PCDH9: variants seen among roughly 807,000 people sequenced by gnomAD.
PCDH9 encodes protocadherin 9.
A neutral mutation model predicts 70.6 loss-of-function variants in PCDH9; 24 were observed. The observed-to-expected ratio is 0.34, with a 90% CI of 0.25 to 0.48. PCDH9 has a LOEUF of 0.48. PCDH9 is among the 20% of genes least tolerant of loss of function. The pLI is 0.99. For missense variants in PCDH9, 1,281 were observed against 1,503.6 expected (o/e 0.85, Z 2.45); for synonymous variants, 562 against 558.5 (o/e 1.01, Z -0.09).
intron 3 of PCDH9, among the ~76,000 whole-genome samples, chr13:66,766,631 A>C (rs1428488809): frequency 6.6e-6 from 1 of 151,840 alleles, no homozygotes; most frequent in South Asian, 2.1e-4. Context: ...AAAAATGTAG[A>C]GTTGGGAAGG....
At chr13:66,847,956 G>C (rs2081241577) in intron 3 of PCDH9, among the ~76,000 whole-genome samples, 1 of 152,120 alleles carries the variant, frequency 6.6e-6, no homozygotes, top group Admixed American at 6.5e-5. Context: ...TCCAGAAAGG[G>C]AAATCTTTTA....
chr13:66,610,946 C>T (rs148033032), intron 4 of PCDH9, among the ~76,000 whole-genome samples: 1,843 of 152,188 alleles, frequency 0.012, 18 homozygotes, highest in Non-Finnish European at 0.019. Context: ...TCTTATAAAA[C>T]ATAAAAGATA....
chr13:66,932,778 C>T (rs2082838089), intron 2 of PCDH9, among the ~76,000 whole-genome samples: 1 of 149,788 alleles, frequency 6.7e-6, no homozygotes, highest in African/African-American at 2.5e-5. Context: ...TTAACTTATA[C>T]ATTACAAATT....
At chr13:66,507,317 A>AT (rs1959236232) in intron 4 of PCDH9, among the ~76,000 whole-genome samples, 1 of 152,154 alleles carries the variant, frequency 6.6e-6, no homozygotes, top group African/African-American at 2.4e-5. Context: ...AGTGAAATAC[A>AT]TTTTTTCTTC....
At chr13:66,560,709 A>T (rs1001626259) in intron 4 of PCDH9, among the ~76,000 whole-genome samples, 3 of 151,184 alleles carry the variant, frequency 2.0e-5, no homozygotes, top group Admixed American at 2.0e-4. Context: ...GAAAAGGCAC[A>T]TTTCACTCAA....
chr13:66,847,244 T>C (rs1038356946), intron 3 of PCDH9, among the ~76,000 whole-genome samples: 3 of 152,192 alleles, frequency 2.0e-5, no homozygotes, highest in Admixed American at 2.0e-4. Flanking sequence ...CATAATAGGT[T>C]GTTTTCCTTT....
intron 2 of PCDH9, among the ~76,000 whole-genome samples, chr13:66,969,283 C>T (rs1039017647): frequency 1.3e-4 from 19 of 151,806 alleles, no homozygotes; most frequent in Non-Finnish European, 2.2e-4. Flanking sequence ...TTTTAGAATC[C>T]ATCATTTAAG....
At chr13:66,632,868 AT>A (rs2138940448) in intron 3 of PCDH9, among the ~76,000 whole-genome samples, 1 of 152,074 alleles carries the variant, frequency 6.6e-6, no homozygotes, top group African/African-American at 2.4e-5. Flanking sequence ...ATATTAAAAA[AT>A]ATATAATATA....
chr13:66,720,572 T>A (rs1218663157), intron 3 of PCDH9, among the ~76,000 whole-genome samples: 1 of 152,116 alleles, frequency 6.6e-6, no homozygotes, highest in African/African-American at 2.4e-5. Flanking sequence ...ATGGACACTT[T>A]TTTCTTCTAA....
chr13:67,179,588 TA>T (rs2088561864), intron 2 of PCDH9, among the ~76,000 whole-genome samples: 1 of 152,166 alleles, frequency 6.6e-6, no homozygotes, highest in Admixed American at 6.6e-5. Context: ...AACCACTTTT[TA>T]TTTAATTTAT....
intron 2 of PCDH9, among the ~76,000 whole-genome samples, chr13:67,003,837 G>A (rs1001504003): frequency 1.4e-4 from 22 of 152,136 alleles, no homozygotes; most frequent in African/African-American, 5.3e-4. Context: ...GATAGCACAG[G>A]AAGAAAAAGC....
At chr13:66,322,809 C>T (rs144012123) in intron 4 of PCDH9, among the ~76,000 whole-genome samples, 3 of 152,028 alleles carry the variant, frequency 2.0e-5, no homozygotes, top group African/African-American at 7.2e-5. Flanking sequence ...GTATATCACT[C>T]TCAGCTTTGC....
At chr13:67,117,981 G>A (rs529248611) in intron 2 of PCDH9, among the ~76,000 whole-genome samples, 23 of 152,190 alleles carry the variant, frequency 1.5e-4, no homozygotes, top group Non-Finnish European at 2.6e-4. Flanking sequence ...TCAAAACAGT[G>A]TAACATCGCT....
At chr13:66,409,667 G>T (rs755448014) in intron 4 of PCDH9, among the ~76,000 whole-genome samples, 3 of 152,168 alleles carry the variant, frequency 2.0e-5, no homozygotes, top group Admixed American at 6.5e-5. Context: ...ACCAGTTATT[G>T]TAATACCATT....
chr13:66,489,938 T>G (rs1274366306), intron 4 of PCDH9, among the ~76,000 whole-genome samples: 2 of 152,188 alleles, frequency 1.3e-5, no homozygotes, highest in Non-Finnish European at 2.9e-5. Flanking sequence ...TTCTGATTCC[T>G]CCTGATTTTC....
intron 4 of PCDH9, among the ~76,000 whole-genome samples, chr13:66,546,948 C>T (rs1961233517): frequency 6.6e-6 from 1 of 152,152 alleles, no homozygotes; most frequent in African/African-American, 2.4e-5. Flanking sequence ...CTATGCCATA[C>T]AGCTTAGGTG....
chr13:66,729,718 G>C (rs2079048340), intron 3 of PCDH9, among the ~76,000 whole-genome samples: 1 of 152,062 alleles, frequency 6.6e-6, no homozygotes, highest in South Asian at 2.1e-4. Context: ...CCATCTACTA[G>C]GCCAATTTTG....
intron 3 of PCDH9, among the ~76,000 whole-genome samples, chr13:66,875,127 T>C (rs779452374): frequency 6.6e-6 from 1 of 152,132 alleles, no homozygotes; most frequent in Admixed American, 6.6e-5. Context: ...AGTATCAACA[T>C]CTCCCCTAAA....
At chr13:66,634,331 T>A (rs1461087618) in intron 3 of PCDH9, among the ~76,000 whole-genome samples, 1 of 152,164 alleles carries the variant, frequency 6.6e-6, no homozygotes, top group East Asian at 1.9e-4. Context: ...ATCTTTATCA[T>A]CATAATGATT....
Sources: gnomAD v4.1 joint callset for allele counts (sites outside exome capture counted in the v4.1 genomes callset) on GRCh38, gnomAD v4.1.1 for gene constraint, MANE v1.5 for transcripts, NCBI Gene and HGNC (gene_info 2026-07-23, HGNC 2026-07-21) for gene names.